ARHGAP10: variants seen among roughly 807,000 people sequenced by gnomAD.
ARHGAP10 encodes the protein Rho GTPase activating protein 10, also known as rho GTPase-activating protein 10.
ARHGAP10 carries 87 observed loss-of-function variants against 108.6 expected under a neutral mutation model. The ratio of observed to expected loss-of-function variants is 0.80; its 90% CI spans 0.67 to 0.96. The LOEUF (loss-of-function observed/expected upper bound fraction) is 0.96. ARHGAP10 is among the 40% of genes least tolerant of loss of function. ARHGAP10 has a pLI of 0.00. For missense variants in ARHGAP10, 939 were observed against 954.5 expected, an observed-to-expected ratio of 0.98 and a Z score of 0.21; for synonymous variants, 347 against 341.1, an observed-to-expected ratio of 1.02 and a Z score of -0.19.
chr4:147,964,471 A>T (rs759978156), intron 16 of ARHGAP10, among the ~76,000 whole-genome samples: 1 of 152,084 alleles, frequency 6.6e-6, no homozygotes, highest in Non-Finnish European at 1.5e-5. Flanking sequence ...GTGAGTCTAA[A>T]CTTTTCCCTT....
At chr4:147,961,031 G>A (rs1423036826) in intron 16 of ARHGAP10, among the ~76,000 whole-genome samples, 1 of 152,164 alleles carries the variant, frequency 6.6e-6, no homozygotes. Flanking sequence ...GTCTTTTAAT[G>A]AGCATTTATG....
intron 10 of ARHGAP10, among the ~76,000 whole-genome samples, chr4:147,903,859 A>T (rs1483017531): frequency 6.6e-6 from 1 of 152,182 alleles, no homozygotes; most frequent in Non-Finnish European, 1.5e-5. Flanking sequence ...CCTTCTGAGG[A>T]CATCTTGGCT....
intron 18 of ARHGAP10, among the ~76,000 whole-genome samples, chr4:148,000,679 G>A (rs1740680297): frequency 1.3e-5 from 2 of 152,216 alleles, no homozygotes; most frequent in Admixed American, 6.5e-5. Context: ...GATGACCAGT[G>A]ATGATGAGCA....
At chr4:148,061,279 G>A (rs2149689062) in intron 20 of ARHGAP10, among the ~76,000 whole-genome samples, 1 of 152,200 alleles carries the variant, frequency 6.6e-6, no homozygotes, top group East Asian at 1.9e-4. Context: ...AAGAGCTGAT[G>A]GGGGGTGTGG....
chr4:148,012,134 T>C (rs1394777375), intron 18 of ARHGAP10, among the ~76,000 whole-genome samples: 2 of 152,232 alleles, frequency 1.3e-5, no homozygotes, highest in Non-Finnish European at 2.9e-5. Flanking sequence ...ATCCTGACTG[T>C]TCTCTCTCCT....
intron 3 of ARHGAP10, among the ~76,000 whole-genome samples, chr4:147,830,818 T>C (rs1195958938): frequency 2.0e-5 from 3 of 152,188 alleles, no homozygotes; most frequent in African/African-American, 4.8e-5. Flanking sequence ...CCGCACCCAG[T>C]TGAAACCACA....
intron 11 of ARHGAP10, among the ~76,000 whole-genome samples, 166 bp from the exon 12 acceptor site, chr4:147,909,566 C>T (rs1026733014): frequency 2.6e-5 from 4 of 152,170 alleles, no homozygotes; most frequent in African/African-American, 9.7e-5. Flanking sequence ...AGTTTAGATG[C>T]TCTGTGTCAG....
Position 147,929,849 on chromosome 4 carries a change from G to A in ARHGAP10, c.1229-9976G>A, listed in dbSNP as rs1418686485. The stretch of plus-strand genomic sequence containing the variant: ...AAAATAATGATTAATATTTTTATGT[G>A]CATAAAAGCATGTTTGTTTGTTGTA... On this transcript the variant is annotated intron_variant, in intron 13 of 22. Transcript: ENST00000336498. Among the ~76,000 whole-genome samples, 3 of 152,004 alleles carry A rather than the reference G, an allele frequency of 2.0e-5. No individual in the cohort carries two copies. In the East Asian group the frequency reaches 5.8e-4, roughly 29 times the overall value.
intron 18 of ARHGAP10, among the ~76,000 whole-genome samples, chr4:148,005,014 G>T (rs1327233849): frequency 6.6e-6 from 1 of 152,166 alleles, no homozygotes; most frequent in Non-Finnish European, 1.5e-5. Flanking sequence ...CTGGTATCCT[G>T]TCTCACTCTG....
intron 20 of ARHGAP10, among the ~76,000 whole-genome samples, chr4:148,058,327 C>T (rs1201874491): frequency 3.9e-5 from 6 of 152,104 alleles, no homozygotes; most frequent in Non-Finnish European, 7.4e-5. Flanking sequence ...TATTGTATAA[C>T]CGTAGTGAAA....
At chr4:147,994,393 G>GT (rs1230902640) in intron 18 of ARHGAP10, among the ~76,000 whole-genome samples, 1 of 145,984 alleles carries the variant, frequency 6.9e-6, no homozygotes, top group African/African-American at 2.8e-5. Flanking sequence ...TTGCACAGCT[G>GT]GTGTGGTGTT....
chr4:147,796,900 T>C (rs1268312272), intron 1 of ARHGAP10, among the ~76,000 whole-genome samples: 1 of 152,206 alleles, frequency 6.6e-6, no homozygotes, highest in Non-Finnish European at 1.5e-5. Flanking sequence ...AACCTCGTTC[T>C]TGTCTTTTCC....
At chr4:147,736,120 CTGTGTGTGTG>C (rs10644088) in intron 1 of ARHGAP10, among the ~76,000 whole-genome samples, 6 of 144,634 alleles carry the variant, frequency 4.1e-5, no homozygotes, top group South Asian at 4.5e-4. Flanking sequence ...AATTGTCTAG[CTGTGTGTGTG>C]TGTGTGTGTG....
At chr4:147,919,537 A>G (rs531966249) in intron 13 of ARHGAP10, among the ~76,000 whole-genome samples, 7 of 151,828 alleles carry the variant, frequency 4.6e-5, no homozygotes, top group South Asian at 2.1e-4. Context: ...TTTGCTGCAC[A>G]TTGAAATTAC....
chr4:148,061,096 CTT>C (rs59476202), intron 20 of ARHGAP10, among the ~76,000 whole-genome samples: 3 of 145,946 alleles, frequency 2.1e-5, no homozygotes, highest in Non-Finnish European at 3.0e-5. Context: ...TGGAGGTTTC[CTT>C]TTTTTTTTTT....
At chr4:148,058,599 C>A (rs563879954) in intron 20 of ARHGAP10, among the ~76,000 whole-genome samples, 1 of 152,292 alleles carries the variant, frequency 6.6e-6, no homozygotes, top group East Asian at 1.9e-4. Flanking sequence ...CTCCCTTCCC[C>A]CTTTCTGAAA....
chr4:147,950,208 CT>C (rs1231955579), intron 15 of ARHGAP10, among the ~76,000 whole-genome samples: 1 of 152,138 alleles, frequency 6.6e-6, no homozygotes, highest in Non-Finnish European at 1.5e-5. Flanking sequence ...TTCTTTTCCC[CT>C]ATGTTATTTT....
chr4:147,965,753 T>C (rs1739180654), intron 17 of ARHGAP10, among the ~76,000 whole-genome samples: 2 of 152,338 alleles, frequency 1.3e-5, no homozygotes, highest in South Asian at 4.1e-4. Context: ...TCAACAAATA[T>C]TTAGTGAATG....
intron 18 of ARHGAP10, among the ~76,000 whole-genome samples, chr4:147,988,466 T>A (rs1338122492): frequency 6.6e-6 from 1 of 152,196 alleles, no homozygotes; most frequent in Non-Finnish European, 1.5e-5. Flanking sequence ...TACAGTTCCC[T>A]CCTCCATCTG....
Sources: gnomAD v4.1 joint callset for allele counts (sites outside exome capture counted in the v4.1 genomes callset) on GRCh38, gnomAD v4.1.1 for gene constraint, MANE v1.5 for transcripts, NCBI Gene and HGNC (gene_info 2026-07-23, HGNC 2026-07-21) for gene names.